SGCD: variants seen among roughly 807,000 people sequenced by gnomAD.
The protein encoded by SGCD is delta-sarcoglycan.
SGCD carries 18 observed loss-of-function variants against 36.6 expected under a neutral mutation model. The observed-to-expected ratio is 0.49, with a 90% CI of 0.34 to 0.73. SGCD has a LOEUF of 0.73. Ranked by LOEUF, SGCD falls within the 30% of genes least tolerant of loss-of-function variation. SGCD has a pLI of 0.01. For synonymous variants in SGCD, 133 were observed against 130.6 expected (o/e 1.02, Z -0.12); for missense variants, 387 against 346.7 (o/e 1.12, Z -0.92).
chr5:156,197,754 T>C (rs1307915855), intron 3 of SGCD, among the ~76,000 whole-genome samples: 1 of 152,106 alleles, frequency 6.6e-6, no homozygotes, highest in Non-Finnish European at 1.5e-5. Context: ...TTCTTTCTCT[T>C]TGATTCATTA....
chr5:155,755,885 T>C, the SGCD span, among the ~76,000 whole-genome samples: 1 of 152,202 alleles, frequency 6.6e-6, no homozygotes, highest in African/African-American at 2.4e-5. Context: ...GTTAAATAGA[T>C]GAATGGTTTT....
intron 1 of SGCD, among the ~76,000 whole-genome samples, chr5:155,873,734 G>A (rs1755706765): frequency 6.6e-6 from 1 of 152,024 alleles, no homozygotes; most frequent in African/African-American, 2.4e-5. Flanking sequence ...TTATATTTCA[G>A]TAAGAGGATA....
upstream of SGCD, among the ~76,000 whole-genome samples, chr5:155,865,513 C>T (rs771225642): frequency 2.6e-5 from 4 of 151,968 alleles, no homozygotes; most frequent in Non-Finnish European, 4.4e-5. Context: ...TAAGTTAAAA[C>T]CAAAAATGTA....
At chr5:156,451,750 A>G (rs939255113) in intron 3 of SGCD, among the ~76,000 whole-genome samples, 1 of 152,206 alleles carries the variant, frequency 6.6e-6, no homozygotes, top group African/African-American at 2.4e-5. Context: ...ATATCAAACT[A>G]CAATATGGTA....
At chr5:155,995,783 T>C (rs1243916340) in intron 1 of SGCD, among the ~76,000 whole-genome samples, 3 of 151,792 alleles carry the variant, frequency 2.0e-5, no homozygotes, top group Non-Finnish European at 1.5e-5. Context: ...ATTTCAGGCA[T>C]AGTGAACCAA....
chr5:156,554,708 G>T (rs1758946305), intron 4 of SGCD, among the ~76,000 whole-genome samples: 1 of 150,966 alleles, frequency 6.6e-6, no homozygotes, highest in Non-Finnish European at 1.5e-5. Flanking sequence ...ATCCATTGTG[G>T]ATCTTTGAAT....
chr5:155,731,756 G>C, the SGCD span, among the ~76,000 whole-genome samples: 1 of 152,088 alleles, frequency 6.6e-6, no homozygotes, highest in African/African-American at 2.4e-5. Flanking sequence ...AGTAGCTTCC[G>C]AGAAATACAG....
At chr5:156,218,174 C>A (rs534072576) in intron 3 of SGCD, among the ~76,000 whole-genome samples, 1 of 152,050 alleles carries the variant, frequency 6.6e-6, no homozygotes, top group Non-Finnish European at 1.5e-5. Flanking sequence ...ATCGCTTGAA[C>A]CTGGGAAGCG....
intron 1 of SGCD, among the ~76,000 whole-genome samples, chr5:155,909,585 G>C (rs555349976): frequency 6.6e-6 from 1 of 152,106 alleles, no homozygotes; most frequent in Non-Finnish European, 1.5e-5. Flanking sequence ...CCAAAGCAGA[G>C]ATTATAGAGT....
intron 3 of SGCD, among the ~76,000 whole-genome samples, chr5:156,228,004 A>G (rs1312939033): frequency 6.6e-6 from 1 of 152,094 alleles, no homozygotes; most frequent in Non-Finnish European, 1.5e-5. Flanking sequence ...GGTCTGAAAG[A>G]GTGCTTGATA....
chr5:156,601,467 A>T (rs367678670), intron 6 of SGCD, among the ~76,000 whole-genome samples: 22 of 152,158 alleles, frequency 1.4e-4, no homozygotes, highest in East Asian at 1.4e-3. Flanking sequence ...TATTTCTGGG[A>T]TCTCTATTCT....
rs569716407 is a variant in SGCD, at chr5:156,413,494, T to C, written c.192+68817T>C. Among the ~76,000 whole-genome samples, 41 of 152,264 alleles carry C rather than the reference T, an allele frequency of 2.7e-4. No individual in the cohort carries two copies. In the South Asian group the frequency reaches 7.0e-3, roughly 26 times the overall value. On this transcript the variant is annotated intron_variant, in intron 3 of 8. Transcript: ENST00000337851. The stretch of plus-strand genomic sequence containing the variant: ...GTCTTGCAGTTGAAACCTTGAACTT[T>C]GAGATAGGATCGCACTCTGTCGCCC...
intron 3 of SGCD, among the ~76,000 whole-genome samples, chr5:156,139,418 T>G (rs1202704068): frequency 1.3e-5 from 2 of 152,192 alleles, no homozygotes; most frequent in African/African-American, 4.8e-5. Context: ...TAGTTTCTTC[T>G]AGTCTAAACA....
At chr5:156,448,410 C>T (rs559024851) in intron 3 of SGCD, among the ~76,000 whole-genome samples, 7 of 152,168 alleles carry the variant, frequency 4.6e-5, no homozygotes, top group East Asian at 3.9e-4. Context: ...TCAAGCAGAC[C>T]GTGAGGATAA....
At chr5:156,024,210 G>A (rs1337229456) in intron 1 of SGCD, among the ~76,000 whole-genome samples, 34 of 152,054 alleles carry the variant, frequency 2.2e-4, no homozygotes, top group Admixed American at 2.2e-3. Flanking sequence ...AATGCCAAGA[G>A]ACTGAGACAG....
Position 156,315,007 on chromosome 5 carries a change from A to C in SGCD, c.-43-14527A>C, listed in dbSNP as rs139024057. Among the ~76,000 whole-genome samples the C allele has an allele frequency of 1.5e-3, 229 of 152,152 alleles. 8 individuals are homozygous for C. In the East Asian group the frequency reaches 0.036, roughly 24 times the overall value. ...ATGTTGAGAAATAATCACCACAATCAATCTAATTAACATAGCCATTACCTC... is the reference window on the plus strand; with the variant it reads ...ATGTTGAGAAATAATCACCACAATCCATCTAATTAACATAGCCATTACCTC... On this transcript the variant is annotated intron_variant, in intron 3 of 9. Coordinates refer to the SGCD transcript ENST00000517913.
the SGCD span, among the ~76,000 whole-genome samples, chr5:155,861,928 C>T: frequency 1.6e-4 from 25 of 152,278 alleles, no homozygotes; most frequent in Non-Finnish European, 1.8e-4. Flanking sequence ...AGAAGAGTCC[C>T]ATCCTATTAC....
intron 6 of SGCD, among the ~76,000 whole-genome samples, chr5:156,640,655 T>C (rs1456851201): frequency 4.6e-5 from 7 of 152,196 alleles, no homozygotes; most frequent in Non-Finnish European, 8.8e-5. Flanking sequence ...AACTTGCAAT[T>C]CCTAAATAAG....
the SGCD span, among the ~76,000 whole-genome samples, chr5:155,735,315 C>A: frequency 6.6e-6 from 1 of 152,208 alleles, no homozygotes; most frequent in African/African-American, 2.4e-5. Context: ...TTAGAAGGGA[C>A]ATTCTGATTT....
Sources: allele counts gnomAD v4.1 joint callset (sites outside exome capture counted in the v4.1 genomes callset), GRCh38; gene constraint gnomAD v4.1.1; transcripts MANE v1.5; gene names NCBI Gene and HGNC (gene_info 2026-07-23, HGNC 2026-07-21).